Variants in EPHX2 observed in about 807,000 individuals in gnomAD.
The protein encoded by EPHX2 is bifunctional epoxide hydrolase 2.
In EPHX2, 74 loss-of-function variants were observed where a neutral mutation model predicts 78.7. The ratio of observed to expected loss-of-function variants is 0.94; its 90% CI spans 0.78 to 1.14. The LOEUF is 1.14. Ranked by LOEUF, EPHX2 falls within the 50% of genes most tolerant of loss-of-function variation. EPHX2 has a pLI of 0.00. For synonymous variants in EPHX2, 251 were observed against 255.2 expected (o/e 0.98, Z 0.16); for missense variants, 715 against 702.5 (o/e 1.02, Z -0.20).
At chr8:27,510,062 C>A (rs1003520298) in intron 5 of EPHX2, among the ~76,000 whole-genome samples, 2 of 152,192 alleles carry the variant, frequency 1.3e-5, no homozygotes, top group African/African-American at 4.8e-5. Flanking sequence ...CACTGAGTCC[C>A]TCCCTGCCCC....
chr8:27,502,975 C>G (rs751819529), intron 2 of EPHX2, among the ~76,000 whole-genome samples: 1 of 152,050 alleles, frequency 6.6e-6, no homozygotes, highest in Non-Finnish European at 1.5e-5. Context: ...TTGTGCCCCC[C>G]GCCCAAAATC....
chr8:27,506,012 A>G (rs1347535414), intron 4 of EPHX2, among the ~76,000 whole-genome samples: 2 of 151,970 alleles, frequency 1.3e-5, no homozygotes, highest in East Asian at 1.9e-4. Flanking sequence ...TCTTAGAGAC[A>G]GAGCCTCACT....
intron 12 of EPHX2, among the ~76,000 whole-genome samples, chr8:27,532,837 C>T (rs1585217398): frequency 6.6e-6 from 1 of 152,092 alleles, no homozygotes; most frequent in Non-Finnish European, 1.5e-5. Flanking sequence ...AAAAATCAGC[C>T]AGGTGCAGTG....
At chr8:27,503,497 G>C (rs1368448546) in intron 2 of EPHX2, 107 bp from the exon 3 acceptor site, 55 of 1,259,222 alleles carry the variant, frequency 4.4e-5, no homozygotes, top group Non-Finnish European at 6.6e-6. Context: ...ATGTGTCCAG[G>C]AGTGGAATTG....
chr8:27,518,786 A>G (rs1161410834), intron 9 of EPHX2, among the ~76,000 whole-genome samples: 1 of 152,182 alleles, frequency 6.6e-6, no homozygotes, highest in Non-Finnish European at 1.5e-5. Flanking sequence ...AGAAGCAATC[A>G]TGGGTAAAAG....
intron 12 of EPHX2, among the ~76,000 whole-genome samples, chr8:27,529,771 T>A (rs760173418): frequency 6.6e-6 from 1 of 150,720 alleles, no homozygotes; most frequent in Non-Finnish European, 1.5e-5. Context: ...AAGAGCTGGG[T>A]GTGGTGGTGC....
At chr8:27,515,254 A>G (rs1324552451) in intron 6 of EPHX2, among the ~76,000 whole-genome samples, 1 of 152,160 alleles carries the variant, frequency 6.6e-6, no homozygotes, top group Non-Finnish European at 1.5e-5. Context: ...CTGCGAGCCT[A>G]TATTTTCATG....
In EPHX2 at chr8:27,544,922, G is replaced by T. The variant is rs1013607126; in HGVS notation, c.*400G>T. 5 of 205,982 alleles carry T rather than the reference G, an allele frequency of 2.4e-5. No homozygotes were observed. The highest frequency in any genetic ancestry group is 4.9e-5 in the Non-Finnish European group (5 of 101,370). 12.8% of individuals were successfully genotyped at this position (205,982 alleles called of 1,614,324 possible). A position where few individuals can be genotyped will look rare whatever the true frequency, so the allele number is the denominator to read the frequency against. On this transcript the variant is annotated 3_prime_UTR_variant, in exon 19 of 19. Coordinates refer to ENST00000521400, the MANE Select transcript of EPHX2 (RefSeq NM_001979.6). ...TCAATAAAGCTAAGATGACTATGCTGCTGGCTGTCTTTGTTCTTGGAGAGG... is the reference window on the plus strand; with the variant it reads ...TCAATAAAGCTAAGATGACTATGCTTCTGGCTGTCTTTGTTCTTGGAGAGG...
At chr8:27,536,312 C>G (rs2132790575) in intron 12 of EPHX2, among the ~76,000 whole-genome samples, 1 of 152,162 alleles carries the variant, frequency 6.6e-6, no homozygotes, top group South Asian at 2.1e-4. Flanking sequence ...GCTAGGTTGC[C>G]CAGGCTGCTC....
downstream of EPHX2, among the ~76,000 whole-genome samples, chr8:27,548,560 A>T (rs1342924845): frequency 6.6e-6 from 1 of 152,220 alleles, no homozygotes; most frequent in Non-Finnish European, 1.5e-5. Context: ...CCAACCCAGC[A>T]CTGGCCTGGC....
At chr8:27,501,612 C>T (rs1002129666) in intron 2 of EPHX2, among the ~76,000 whole-genome samples, 14 of 151,686 alleles carry the variant, frequency 9.2e-5, no homozygotes, top group African/African-American at 2.7e-4. Context: ...GGGGTTTCAC[C>T]GTGTTACCCA....
intron 11 of EPHX2, among the ~76,000 whole-genome samples, chr8:27,523,717 A>C (rs1814728328): frequency 6.6e-6 from 1 of 152,138 alleles, no homozygotes; most frequent in African/African-American, 2.4e-5. Context: ...AAATTTTTTA[A>C]AAAAATTTCT....
chr8:27,535,939 T>C (rs1008624985), intron 12 of EPHX2, among the ~76,000 whole-genome samples: 7 of 152,210 alleles, frequency 4.6e-5, no homozygotes, highest in African/African-American at 1.2e-4. Context: ...TACATTGGCA[T>C]CTCTTGGTCC....
chr8:27,513,260 C>T (rs1016788911), intron 6 of EPHX2, among the ~76,000 whole-genome samples: 25 of 152,130 alleles, frequency 1.6e-4, no homozygotes, highest in Admixed American at 1.3e-3. Flanking sequence ...TACTGCTCAG[C>T]GCCACTGACA....
chr8:27,514,421 C>T (rs1283418113), intron 6 of EPHX2, among the ~76,000 whole-genome samples: 1 of 152,218 alleles, frequency 6.6e-6, no homozygotes, highest in Non-Finnish European at 1.5e-5. Flanking sequence ...GATTGTTCTC[C>T]TGCATTTCCT....
intron 5 of EPHX2, among the ~76,000 whole-genome samples, chr8:27,510,085 A>C (rs56397053): frequency 0.074 from 11,286 of 152,214 alleles, 534 homozygotes; most frequent in Middle Eastern, 0.15. Flanking sequence ...TCTTCTCCAG[A>C]TGCCATGGAG....
chr8:27,532,393 T>A (rs1004127495), intron 12 of EPHX2, among the ~76,000 whole-genome samples: 3 of 152,216 alleles, frequency 2.0e-5, no homozygotes, highest in African/African-American at 7.2e-5. Context: ...TACAGACCAA[T>A]GACAAATTTC....
intron 1 of EPHX2, among the ~76,000 whole-genome samples, chr8:27,497,263 C>T (rs1218396232): frequency 6.6e-6 from 1 of 152,212 alleles, no homozygotes; most frequent in African/African-American, 2.4e-5. Context: ...GCTTCTGGCC[C>T]AGAGAACCTT....
intron 1 of EPHX2, among the ~76,000 whole-genome samples, chr8:27,492,249 A>G (rs560157925): frequency 1.3e-5 from 2 of 152,334 alleles, no homozygotes; most frequent in East Asian, 3.9e-4. Flanking sequence ...AGGGAAAGGC[A>G]TGTAATCTCT....
Sources: gnomAD v4.1 joint callset for allele counts (sites outside exome capture counted in the v4.1 genomes callset) on GRCh38, gnomAD v4.1.1 for gene constraint, MANE v1.5 for transcripts, NCBI Gene and HGNC (gene_info 2026-07-23, HGNC 2026-07-21) for gene names.